Variants in TNFAIP8 observed in about 807,000 individuals in gnomAD.
The protein encoded by TNFAIP8 is tumor necrosis factor alpha-induced protein 8.
TNFAIP8 carries 7 observed loss-of-function variants against 13.3 expected under a neutral mutation model. That is an observed-to-expected ratio of 0.52 (90% CI 0.30 to 0.99). TNFAIP8 has a LOEUF of 0.99. Among genes scored for constraint, TNFAIP8 ranks in the 50% least tolerant of loss-of-function variants. The pLI is 0.07. For synonymous variants in TNFAIP8, 94 were observed against 87.6 expected (o/e 1.07, Z -0.41); for missense variants, 258 against 236.9 (o/e 1.09, Z -0.58).
chr5:119,322,890 C>T (rs1456919558), intron 1 of TNFAIP8, among the ~76,000 whole-genome samples: 3 of 152,154 alleles, frequency 2.0e-5, no homozygotes, highest in South Asian at 2.1e-4. Flanking sequence ...AGAAAATGTT[C>T]TTTGATGTCT....
chr5:119,353,465 C>G (rs1218039420), upstream of TNFAIP8, among the ~76,000 whole-genome samples: 1 of 152,192 alleles, frequency 6.6e-6, no homozygotes, highest in Non-Finnish European at 1.5e-5. Context: ...GAGGAATGTA[C>G]TTATTCACAT....
At position 119,316,856 on chromosome 5, in the gene TNFAIP8, T is replaced by A. The variant is rs553489789; in HGVS notation, c.1+47949T>A. On this transcript the variant is annotated intron_variant, in intron 1 of 1. Transcript: ENST00000274456. ...ATATCCAAAGACAATTTTAGCAAAC[T>A]GGGAGGGGTTTGCTGCTGGTATCTA... Among the ~76,000 whole-genome samples, 4 of 152,248 alleles carry A rather than the reference T, an allele frequency of 2.6e-5. No homozygotes were observed. In the East Asian group the frequency reaches 7.7e-4, roughly 29 times the overall value.
At chr5:119,366,190 C>T (rs1446018103) in intron 1 of TNFAIP8, among the ~76,000 whole-genome samples, 4 of 151,496 alleles carry the variant, frequency 2.6e-5, no homozygotes, top group Non-Finnish European at 5.9e-5. Flanking sequence ...AAGAAGTGAC[C>T]AGCAGTATAA....
intron 1 of TNFAIP8, among the ~76,000 whole-genome samples, chr5:119,364,527 T>G (rs1036144038): frequency 3.3e-5 from 5 of 152,118 alleles, no homozygotes; most frequent in African/African-American, 9.7e-5. Context: ...TTAAATTGTT[T>G]TGTAGAGACA....
upstream of TNFAIP8, chr5:119,355,176 A>G (rs543202008): frequency 1.9e-3 from 1,261 of 651,076 alleles, 6 homozygotes; most frequent in Non-Finnish European, 2.6e-3. Flanking sequence ...TCTTTATTCT[A>G]TCAGCATTTC....
In TNFAIP8 at chr5:119,375,118, A is replaced by G. The variant is rs115330120; in HGVS notation, c.32-17698A>G. Among the ~76,000 whole-genome samples, 762 of 152,378 alleles carry G rather than the reference A, an allele frequency of 5.0e-3. 6 individuals are homozygous for G. Among genetic ancestry groups the G allele is most frequent in the African/African-American group, 0.017 (719 of 41,586 alleles). ...CAGCCAAAACATGTTGCCTGCCAAA[A>G]GTTTGTAAGCTTTGCTTCAAATGGA... is the stretch of plus-strand genomic sequence containing the variant. On this transcript the variant is annotated intron_variant, in intron 1 of 1. Coordinates refer to ENST00000504771, the MANE Select transcript of TNFAIP8 (RefSeq NM_014350.4).
chr5:119,323,903 A>T (rs1750135637), intron 1 of TNFAIP8, among the ~76,000 whole-genome samples: 1 of 152,174 alleles, frequency 6.6e-6, no homozygotes, highest in East Asian at 1.9e-4. Flanking sequence ...AAACTTTCAA[A>T]CCTGTTTGGG....
chr5:119,308,841 TGA>T (rs1487808114), intron 1 of TNFAIP8, among the ~76,000 whole-genome samples: 1 of 128,816 alleles, frequency 7.8e-6, no homozygotes, highest in African/African-American at 3.1e-5. Flanking sequence ...GGTTGCAGAG[TGA>T]GACTCCATCT....
At chr5:119,363,792 A>C (rs1182050126) in intron 1 of TNFAIP8, among the ~76,000 whole-genome samples, 1 of 152,226 alleles carries the variant, frequency 6.6e-6, no homozygotes, top group African/African-American at 2.4e-5. Context: ...TTAAGGGCTC[A>C]GTCCCACAAG....
intron 1 of TNFAIP8, among the ~76,000 whole-genome samples, chr5:119,311,888 G>A (rs564488193): frequency 6.6e-6 from 1 of 152,080 alleles, no homozygotes; most frequent in East Asian, 1.9e-4. Context: ...CCATAGACCT[G>A]TGGTGCTTAA....
Position 119,269,333 on chromosome 5 carries a change from A to T in TNFAIP8, c.1+426A>T, listed in dbSNP as rs1337670726. The stretch of plus-strand genomic sequence containing the variant: ...AGGGTGCCCCAGATTGCAGACTGAG[A>T]TGCTGGCCTGAGATTGTAATCCAAC... On this transcript the variant is annotated intron_variant, in intron 1 of 1. Transcript: ENST00000274456. 5.3e-5 allele frequency among the ~76,000 whole-genome samples: 8 copies of T among 152,136 alleles called. No individual in the cohort carries two copies. In the East Asian group the frequency reaches 1.5e-3, roughly 29 times the overall value.
chr5:119,377,795 C>T (rs533247669), intron 1 of TNFAIP8, among the ~76,000 whole-genome samples: 15 of 152,262 alleles, frequency 9.9e-5, no homozygotes, highest in South Asian at 8.3e-4. Context: ...TTCCAACATA[C>T]GGGTACACTG....
chr5:119,391,403 TGCCACTC>T, intron 1 of TNFAIP8: 1 of 702,436 alleles, frequency 1.4e-6, no homozygotes, highest in South Asian at 1.5e-5. Context: ...AGAGAACAGT[TGCCACTC>T]GACTCAGAGA....
At chr5:119,276,544 C>G (rs1010404105) in intron 1 of TNFAIP8, among the ~76,000 whole-genome samples, 1 of 152,168 alleles carries the variant, frequency 6.6e-6, no homozygotes, top group Non-Finnish European at 1.5e-5. Flanking sequence ...AATTTATATT[C>G]TCACAGTTCT....
At chr5:119,299,438 G>A (rs977599021) in intron 1 of TNFAIP8, among the ~76,000 whole-genome samples, 6 of 152,160 alleles carry the variant, frequency 3.9e-5, no homozygotes, top group Admixed American at 1.3e-4. Context: ...CGTGAACCGC[G>A]AATGCTGCTG....
chr5:119,283,110 A>G (rs920404303), intron 1 of TNFAIP8, among the ~76,000 whole-genome samples: 1 of 152,194 alleles, frequency 6.6e-6, no homozygotes, highest in Non-Finnish European at 1.5e-5. Context: ...AGCATTCACC[A>G]TGTGGTGATG....
intron 1 of TNFAIP8, among the ~76,000 whole-genome samples, chr5:119,360,654 C>T (rs62375117): frequency 0.068 from 10,354 of 152,216 alleles, 433 homozygotes; most frequent in Non-Finnish European, 0.087. Context: ...CCTTTCTATC[C>T]TCTTTAATAC....
chr5:119,322,385 C>T (rs1035789702), intron 1 of TNFAIP8, among the ~76,000 whole-genome samples: 6 of 152,206 alleles, frequency 3.9e-5, no homozygotes, highest in African/African-American at 1.4e-4. Context: ...AGCCTCTGAG[C>T]AGACCATGCT....
intron 1 of TNFAIP8, among the ~76,000 whole-genome samples, chr5:119,299,112 A>T (rs1218001280): frequency 6.6e-6 from 1 of 152,160 alleles, no homozygotes; most frequent in Non-Finnish European, 1.5e-5. Context: ...CAACTCATCA[A>T]AGTCATTCTC....
Sources: allele counts gnomAD v4.1 joint callset (sites outside exome capture counted in the v4.1 genomes callset), GRCh38; gene constraint gnomAD v4.1.1; transcripts MANE v1.5; gene names NCBI Gene and HGNC (gene_info 2026-07-23, HGNC 2026-07-21).